The following PPP3CA variants were observed in gnomAD, a reference collection of about 807,000 sequenced individuals.
PPP3CA encodes CAM-PRP catalytic subunit.
PPP3CA carries 14 observed loss-of-function variants against 66.5 expected under a neutral mutation model. That is an observed-to-expected ratio of 0.21 (90% CI 0.14 to 0.33). The LOEUF (loss-of-function observed/expected upper bound fraction) is 0.33. Among genes scored for constraint, PPP3CA ranks in the 10% least tolerant of loss-of-function variants. PPP3CA has a pLI of 1.00. For synonymous variants in PPP3CA, 232 were observed against 226.2 expected, an observed-to-expected ratio of 1.03 and a Z score of -0.23; for missense variants, 317 against 639.5, an observed-to-expected ratio of 0.50 and a Z score of 5.44.
chr4:101,144,000 A>C (rs1722888087), intron 2 of PPP3CA, among the ~76,000 whole-genome samples: 1 of 152,176 alleles, frequency 6.6e-6, no homozygotes, highest in Non-Finnish European at 1.5e-5. Flanking sequence ...ACTGAAAATC[A>C]TTCTAGATTT....
chr4:101,123,935 T>C (rs1047720954), intron 2 of PPP3CA, among the ~76,000 whole-genome samples: 1 of 152,220 alleles, frequency 6.6e-6, no homozygotes, highest in African/African-American at 2.4e-5. Context: ...AATAGTACTC[T>C]CACAGAAGAC....
intron 1 of PPP3CA, among the ~76,000 whole-genome samples, chr4:101,223,833 A>C (rs1252016668): frequency 6.6e-6 from 1 of 151,860 alleles, no homozygotes; most frequent in African/African-American, 2.4e-5. Context: ...CTCATTCAAC[A>C]GGCAAAAAAT....
At chr4:101,039,017 A>AC (rs1727387003) in intron 11 of PPP3CA, among the ~76,000 whole-genome samples, 1 of 106,068 alleles carries the variant, frequency 9.4e-6, no homozygotes, top group African/African-American at 3.2e-5. Context: ...TAAGAAATAA[A>AC]AGCATTATTG....
At chr4:101,245,174 G>T (rs898218003) in intron 1 of PPP3CA, among the ~76,000 whole-genome samples, 16 of 152,096 alleles carry the variant, frequency 1.1e-4, no homozygotes, top group Non-Finnish European at 2.2e-4. Flanking sequence ...CTCACAGACT[G>T]CTTAGGACAA....
At chr4:101,035,206 T>C (rs1008726057) in intron 11 of PPP3CA, among the ~76,000 whole-genome samples, 38 of 152,102 alleles carry the variant, frequency 2.5e-4, no homozygotes, top group African/African-American at 8.9e-4. Context: ...GAGGTGGAGG[T>C]TGCAGTGAGC....
At chr4:101,245,908 C>T (rs1726461526) in intron 1 of PPP3CA, among the ~76,000 whole-genome samples, 1 of 152,076 alleles carries the variant, frequency 6.6e-6, no homozygotes, top group African/African-American at 2.4e-5. Flanking sequence ...CCATACACTA[C>T]CCTGGCTTTC....
intron 1 of PPP3CA, among the ~76,000 whole-genome samples, chr4:101,282,846 TTTTAAAACAGCTCATCC>T (rs1578626901): frequency 6.6e-6 from 1 of 152,196 alleles, no homozygotes; most frequent in Non-Finnish European, 1.5e-5. Flanking sequence ...TAGCATGGAC[TTTTAAAACAGCTCATCC>T]AACTCTAATT....
At chr4:101,050,701 C>T (rs368071720) in intron 10 of PPP3CA, among the ~76,000 whole-genome samples, 4 of 152,258 alleles carry the variant, frequency 2.6e-5, no homozygotes, top group East Asian at 1.9e-4. Flanking sequence ...CTACTTCACT[C>T]GTGGTGGCAG....
chr4:101,212,490 A>G (rs1415702864), intron 1 of PPP3CA, among the ~76,000 whole-genome samples: 1 of 152,124 alleles, frequency 6.6e-6, no homozygotes, highest in Non-Finnish European at 1.5e-5. Flanking sequence ...GGAGAGCATC[A>G]GGTAGAATAG....
intron 1 of PPP3CA, among the ~76,000 whole-genome samples, chr4:101,320,499 C>T (rs1409308013): frequency 7.0e-6 from 1 of 142,900 alleles, no homozygotes; most frequent in Non-Finnish European, 1.5e-5. Flanking sequence ...TGTATACACA[C>T]ACACACACAC....
intron 1 of PPP3CA, among the ~76,000 whole-genome samples, chr4:101,308,635 A>G (rs1020043666): frequency 6.6e-6 from 1 of 152,068 alleles, no homozygotes; most frequent in African/African-American, 2.4e-5. Flanking sequence ...TTGCAGAGAC[A>G]GGGTCTTGCT....
At chr4:101,238,788 A>G (rs1374531734) in intron 1 of PPP3CA, among the ~76,000 whole-genome samples, 4 of 152,076 alleles carry the variant, frequency 2.6e-5, no homozygotes. Flanking sequence ...ATGTTTTCAA[A>G]TAAGTCCTAT....
At chr4:101,298,588 T>C (rs1450591011) in intron 1 of PPP3CA, among the ~76,000 whole-genome samples, 4 of 152,114 alleles carry the variant, frequency 2.6e-5, no homozygotes, top group Admixed American at 6.5e-5. Context: ...ACTTAATGCA[T>C]AGTAATTTTC....
intron 2 of PPP3CA, among the ~76,000 whole-genome samples, chr4:101,164,566 T>TG (rs897193580): frequency 1.3e-5 from 2 of 148,668 alleles, no homozygotes; most frequent in African/African-American, 5.2e-5. Flanking sequence ...ATTTAAGTTT[T>TG]TTTTTTTTTT....
At chr4:101,089,124 T>G (rs1729800488) in intron 6 of PPP3CA, among the ~76,000 whole-genome samples, 2 of 152,010 alleles carry the variant, frequency 1.3e-5, no homozygotes, top group African/African-American at 2.4e-5. Flanking sequence ...GGAAAAGAGA[T>G]GAAGCGGGCT....
At chr4:101,189,578 CTG>C (rs1724524851) in intron 2 of PPP3CA, among the ~76,000 whole-genome samples, 6 of 150,278 alleles carry the variant, frequency 4.0e-5, no homozygotes, top group Non-Finnish European at 8.9e-5. Context: ...GACAATTTCA[CTG>C]AGCTTTAGTT....
At chr4:101,071,105 T>C (rs535923135) in intron 8 of PPP3CA, among the ~76,000 whole-genome samples, 1 of 152,182 alleles carries the variant, frequency 6.6e-6, no homozygotes, top group East Asian at 1.9e-4. Context: ...GCAAACACTG[T>C]GCCTTCACCT....
In PPP3CA at chr4:101,099,639, T is replaced by C. The variant is rs144554978; in HGVS notation, c.468A>G (p.Leu156=). The change falls in exon 4 of 14, where the codon CTA becomes CTG. Residue 156 remains leucine, a synonymous_variant. Transcript: ENST00000394854. The part of the protein sequence containing the change: ...LLRGNHECRH[L]TEYFTFKQEC... ...CTTGTTTAAATGTGAAATACTCTGTTAGATGTCTACATTCATGATTTCCAC... is the reference window on the plus strand; with the variant it reads ...CTTGTTTAAATGTGAAATACTCTGTCAGATGTCTACATTCATGATTTCCAC... 5.8e-5 allele frequency: 92 copies of C among 1,591,294 alleles called. No homozygotes were observed. In the Middle Eastern group the frequency reaches 6.8e-4, roughly 12 times the overall value.
chr4:101,159,241 G>A (rs980819466), intron 2 of PPP3CA, among the ~76,000 whole-genome samples: 1 of 152,144 alleles, frequency 6.6e-6, no homozygotes, highest in Non-Finnish European at 1.5e-5. Context: ...TGGAAAAGAA[G>A]TAGATTCTAA....
Sources: gnomAD v4.1 joint callset for allele counts (sites outside exome capture counted in the v4.1 genomes callset) on GRCh38, gnomAD v4.1.1 for gene constraint, MANE v1.5 for transcripts, NCBI Gene and HGNC (gene_info 2026-07-23, HGNC 2026-07-21) for gene names.